Variants in GPRASP1 observed in about 807,000 individuals in gnomAD.
GPRASP1 encodes G protein-coupled receptor-associated sorting protein 1.
GPRASP1 carries 28 observed loss-of-function variants against 68.4 expected under a neutral mutation model. The observed-to-expected ratio is 0.41, with a 90% CI of 0.30 to 0.56. The LOEUF (loss-of-function observed/expected upper bound fraction) is 0.56, where lower values mean the gene tolerates loss of function less well. GPRASP1 is among the 20% of genes least tolerant of loss of function. GPRASP1 has a pLI of 0.29. For missense variants in GPRASP1, 913 were observed against 1,031.5 expected (o/e 0.89, Z 1.57); for synonymous variants, 304 against 358.2 (o/e 0.85, Z 1.71).
chrX:102,656,925 C>T lies in GPRASP1; in HGVS notation c.3012C>T (p.Ser1004=). 3.3e-6 allele frequency: 4 copies of T among 1,210,976 alleles called. No homozygotes were observed. Among genetic ancestry groups the T allele is most frequent in the Non-Finnish European group, 4.5e-6 (4 of 895,005 alleles). ...ATGAAGATGAGGCCATAGTGGGGTC[C>T]TGGTTCTGGGCAGGAGATGAGGCCC... ...LADEDEAIVG[S]WFWAGDEAHF... The change falls in exon 6 of 6, where the codon TCC becomes TCT. Residue 1004 remains serine (S), a synonymous_variant. Coordinates refer to ENST00000537097, the MANE Select transcript of GPRASP1 (RefSeq NM_001184727.2).
chrX:102,653,328 C>T (rs2081372834), intron 5 of GPRASP1, 30 bp downstream of exon 5: 1 of 111,584 alleles, frequency 9.0e-6, no homozygotes. Context: ...TACTTTTGGG[C>T]GGGGTAGTGG....
chrX:102,655,889 G>A lies in GPRASP1; in HGVS notation c.1976G>A (p.Gly659Asp), dbSNP rs150238105. The A allele has an allele frequency of 4.2e-4, 505 of 1,209,477 alleles. 3 individuals are homozygous for A. In the African/African-American group the frequency reaches 8.2e-3, roughly 20 times the overall value. ...GAGGTCAGTATGAAGCATGGGACTG[G>A]TGTCAGATGCAGATTTATGGCAGGG... ...KEEVSMKHGT[G>D]VRCRFMAGAE... Residue 659 changes from glycine to aspartate, a missense_variant, in exon 6 of 6, where the codon GGT (glycine) becomes GAT (aspartate). Transcript: ENST00000537097.
In GPRASP1 at chrX:102,655,927, A is replaced by G; in HGVS notation, c.2014A>G (p.Asn672Asp). The G allele has an allele frequency of 8.3e-7, 1 of 1,211,434 alleles. No homozygotes were observed. The highest frequency in any genetic ancestry group is 1.1e-6 in the Non-Finnish European group (1 of 895,166). The change falls in exon 6 of 6, where the codon AAT (asparagine) becomes GAT (aspartate). Residue 672 changes from asparagine to aspartate, a missense_variant. Asn to Asp is a conservative substitution (Grantham distance 23). Coordinates refer to ENST00000537097, the MANE Select transcript of GPRASP1 (RefSeq NM_001184727.2). ...CRFMAGAEET[N>D]NKSCFWAEKE... ...ATTTATGGCAGGGGCTGAGGAGACC[A>G]ATAATAAGTCTTGCTTCTGGGCAGA...
In GPRASP1 at chrX:102,655,341, T is replaced by C; in HGVS notation, c.1428T>C (p.Ser476=). ...DSLFGAREKT[S]MKTGAEATSE... is the part of the protein sequence containing the mutation. The stretch of plus-strand genomic sequence containing the variant: ...TATTTGGGGCTAGGGAAAAGACCAG[T>C]ATGAAAACTGGGGCTGAGGCCACCT... The change falls in exon 6 of 6, where the codon AGT becomes AGC. Residue 476 remains serine, a synonymous_variant. Transcript: ENST00000537097. The C allele has an allele frequency of 5.0e-6, 6 of 1,211,168 alleles. No homozygotes were observed. The highest frequency in any genetic ancestry group is 6.7e-6 in the Non-Finnish European group (6 of 894,898).
At position 102,658,092 on chromosome X, in the gene GPRASP1, A is replaced by G. The variant is rs1486826000; in HGVS notation, c.4179A>G (p.Gln1393=). ...TDNQNDPEGD[Q]EN is the part of the protein sequence containing the mutation. ...ATCAAAATGACCCTGAAGGGGACCAAGAAAATTAGTAATGGTTAATTGCTG... is the reference window on the plus strand; with the variant it reads ...ATCAAAATGACCCTGAAGGGGACCAGGAAAATTAGTAATGGTTAATTGCTG... Residue 1393 remains glutamine (Q), a synonymous_variant, in exon 6 of 6, where the codon CAA becomes CAG. Transcript: ENST00000537097. 4 of 1,030,919 alleles carry G rather than the reference A, an allele frequency of 3.9e-6. No individual in the cohort carries two copies. Among genetic ancestry groups the G allele is most frequent in the Non-Finnish European group, 5.4e-6 (4 of 746,084 alleles). 85.0% of individuals were successfully genotyped at this position (1,030,919 alleles called of 1,213,427 possible). A position where few individuals can be genotyped will look rare whatever the true frequency, so the allele number is the denominator to read the frequency against.
rs769278661 is a variant in GPRASP1 at position 102,654,843 on chromosome X, G to A, written c.930G>A (p.Gly310=). 8.3e-7 allele frequency: 1 copy of A among 1,209,774 alleles called. No homozygotes were observed. The highest frequency in any genetic ancestry group is 1.8e-5 in the South Asian group (1 of 56,805). Reference sequence around the variant, plus strand: ...AAGACCATTTGGAGTCCTGGTTTGGGGCTGGAAAGGAGGCCAAATTCAGGT... The same window carrying A: ...AAGACCATTTGGAGTCCTGGTTTGGAGCTGGAAAGGAGGCCAAATTCAGGT... ...EHEDHLESWF[G]AGKEAKFRSK... is the part of the protein sequence containing the mutation. The change falls in exon 6 of 6, where the codon GGG becomes GGA. Residue 310 remains glycine (G), a synonymous_variant. Coordinates refer to ENST00000537097, the MANE Select transcript of GPRASP1 (RefSeq NM_001184727.2).
chrX:102,655,391 A>T lies in GPRASP1; in HGVS notation c.1478A>T (p.Asp493Val). The T allele has an allele frequency of 8.3e-7, 1 of 1,211,878 alleles. No homozygotes were observed. The highest frequency in any genetic ancestry group is 1.1e-6 in the Non-Finnish European group (1 of 895,503). Residue 493 changes from aspartate (D) to valine (V), a missense_variant, in exon 6 of 6, where the codon GAT becomes GTT. Transcript: ENST00000537097. ...ATSESILAAD[D>V]EQVIIGSWFW... ...TCTGAATCTATACTAGCAGCTGATG[A>T]TGAACAGGTCATTATTGGTTCCTGG... is the stretch of plus-strand genomic sequence containing the variant.
In GPRASP1 at chrX:102,656,924, C is replaced by A. The variant is rs1257420454; in HGVS notation, c.3011C>A (p.Ser1004Tyr). ...GATGAAGATGAGGCCATAGTGGGGT[C>A]CTGGTTCTGGGCAGGAGATGAGGCC... ...LADEDEAIVG[S>Y]WFWAGDEAHF... Residue 1004 changes from serine to tyrosine, a missense_variant, in exon 6 of 6, where the codon TCC (serine) becomes TAC (tyrosine). Transcript: ENST00000537097. 8.3e-7 allele frequency: 1 copy of A among 1,209,018 alleles called. No homozygotes were observed. The highest frequency in any genetic ancestry group is 1.8e-5 in the African/African-American group (1 of 56,924).
Position 102,655,591 on chromosome X carries a change from G to A in GPRASP1, c.1678G>A (p.Val560Ile), listed in dbSNP as rs148684167. Residue 560 changes from valine (V) to isoleucine (I), a missense_variant, in exon 6 of 6, where the codon GTT becomes ATT. Physicochemically the swap from Val to Ile is conservative, Grantham distance 29 (BLOSUM62 3). Coordinates refer to ENST00000537097, the MANE Select transcript of GPRASP1 (RefSeq NM_001184727.2). ...IGPWFWSGEQ[V>I]DIEAGIGEEA... Reference sequence around the variant, plus strand: ...TCCCTGGTTTTGGTCTGGAGAACAAGTTGATATAGAGGCTGGAATCGGAGA... The same window carrying A: ...TCCCTGGTTTTGGTCTGGAGAACAAATTGATATAGAGGCTGGAATCGGAGA... The A allele has an allele frequency of 5.0e-6, 6 of 1,209,133 alleles. No individual in the cohort carries two copies. In the African/African-American group the frequency reaches 5.3e-5, roughly 11 times the overall value.
At chrX:102,652,947 G>C (rs1255011166) in intron 4 of GPRASP1, 49 bp downstream of exon 4, 2 of 111,834 alleles carry the variant, frequency 1.8e-5, no homozygotes, top group East Asian at 5.6e-4. Flanking sequence ...TGGAGAAAGA[G>C]AGCATGGCAG....
chrX:102,657,405 A>C lies in GPRASP1; in HGVS notation c.3492A>C (p.Glu1164Asp), dbSNP rs949482288. The stretch of plus-strand genomic sequence containing the variant: ...TTGAAGAACTCCTTTTATTAATGGA[A>C]AAAATTCGGGATCCTTTTATTCATG... ...EEFEELLLLM[E>D]KIRDPFIHEI... Residue 1164 changes from glutamate to aspartate, a missense_variant, in exon 6 of 6, where the codon GAA becomes GAC. By Grantham distance (45) the Glu-to-Asp change is conservative. Transcript: ENST00000537097. 3.3e-6 allele frequency: 4 copies of C among 1,209,861 alleles called. No homozygotes were observed. In the African/African-American group the frequency reaches 5.2e-5, roughly 16 times the overall value.
Position 102,657,005 on chromosome X carries a change from C to T in GPRASP1, c.3092C>T (p.Ser1031Leu). The change falls in exon 6 of 6, where the codon TCA becomes TTA. Residue 1031 changes from serine (S) to leucine (L), a missense_variant. Transcript: ENST00000537097. ...VFRAICRSTC[S>L]VEQEPDPSRR... ...AGGGCCATTTGCAGGTCCACGTGTT[C>T]AGTTGAACAGGAGCCTGATCCTTCA... 3 of 1,210,368 alleles carry T rather than the reference C, an allele frequency of 2.5e-6. No individual in the cohort carries two copies. The highest frequency in any genetic ancestry group is 3.4e-6 in the Non-Finnish European group (3 of 894,279).
intron 3 of GPRASP1, among the ~76,000 whole-genome samples, chrX:102,652,521 A>G (rs1483088895): frequency 8.8e-6 from 1 of 113,297 alleles, no homozygotes; most frequent in Non-Finnish European, 1.9e-5. Context: ...CCTGTTTTCT[A>G]GAATATGTGG....
At position 102,651,491 on chromosome X, in the gene GPRASP1, C is replaced by T. The variant is rs2081349125; in HGVS notation, c.-723C>T. ...CGTGGGGGGCGGGACTCGTCTTTGC[C>T]ATTCGGATCGCTGGGAAAGCGGTGG... On this transcript the variant is annotated 5_prime_UTR_variant, in exon 1 of 6. Transcript: ENST00000537097. The T allele has an allele frequency of 8.9e-6, 1 of 112,968 alleles. No individual in the cohort carries two copies. The highest frequency in any genetic ancestry group is 9.3e-5 in the Admixed American group (1 of 10,798). 9.3% of individuals were successfully genotyped at this position (112,968 alleles called of 1,213,427 possible).
chrX:102,652,636 GAGA>G (rs1404408368), intron 3 of GPRASP1, among the ~76,000 whole-genome samples, 192 bp from the exon 4 acceptor site: 2 of 113,263 alleles, frequency 1.8e-5, no homozygotes, highest in East Asian at 2.8e-4. Context: ...ATGACGTCAA[GAGA>G]AGGAGTTGTT....
In GPRASP1 at chrX:102,654,042, G is replaced by C. The variant is rs762195704; in HGVS notation, c.129G>C (p.Gln43His). The C allele has an allele frequency of 8.2e-7, 1 of 1,212,146 alleles. No individual in the cohort carries two copies. Among genetic ancestry groups the C allele is most frequent in the Non-Finnish European group, 1.1e-6 (1 of 895,508 alleles). The stretch of plus-strand genomic sequence containing the variant: ...TGGTCAGACCCAAGGTTAGGACCCA[G>C]GCCCAGATAATGCCTGGGGCAAGGC... ...PLVVRPKVRT[Q>H]AQIMPGARPK... The change falls in exon 6 of 6, where the codon CAG becomes CAC. Residue 43 changes from glutamine to histidine, a missense_variant. Physicochemically the swap from Gln to His is conservative, Grantham distance 24. Transcript: ENST00000537097.
Position 102,657,979 on chromosome X carries a change from T to C in GPRASP1, c.4066T>C (p.Ser1356Pro), listed in dbSNP as rs1484909868. The change falls in exon 6 of 6, where the codon TCT becomes CCT. Residue 1356 changes from serine (S) to proline (P), a missense_variant. By Grantham distance (74) the Ser-to-Pro change is moderately conservative. Transcript: ENST00000537097. ...CAATATCAAAAAAGAAACAGTGTTC[T>C]CTGATGATGATTTCAATATTGAGCC... ...GNNIKKETVF[S>P]DDDFNIEPLI... 1 of 1,185,080 alleles carries C rather than the reference T, an allele frequency of 8.4e-7. No homozygotes were observed. Among genetic ancestry groups the C allele is most frequent in the Non-Finnish European group, 1.1e-6 (1 of 871,457 alleles).
At position 102,653,995 on chromosome X, in the gene GPRASP1, A is replaced by G; in HGVS notation, c.82A>G (p.Ile28Val). ...PGEEVVGGAE[I>V]ENDVPLVVRP... is the part of the protein sequence containing the mutation. The stretch of plus-strand genomic sequence containing the variant: ...GGAAGAGGTTGTAGGTGGGGCTGAG[A>G]TAGAGAATGATGTCCCTCTGGTGGT... Residue 28 changes from isoleucine to valine, a missense_variant, in exon 6 of 6, where the codon ATA (isoleucine) becomes GTA (valine). Ile to Val is a conservative substitution (Grantham distance 29). Coordinates refer to ENST00000537097, the MANE Select transcript of GPRASP1 (RefSeq NM_001184727.2). The G allele has an allele frequency of 1.7e-6, 2 of 1,211,180 alleles. No homozygotes were observed. The highest frequency in any genetic ancestry group is 2.2e-6 in the Non-Finnish European group (2 of 894,798).
rs760282847 is a variant in GPRASP1 at position 102,654,753 on chromosome X, T to G, written c.840T>G (p.Asn280Lys). The change falls in exon 6 of 6, where the codon AAT becomes AAG. Residue 280 changes from asparagine (N) to lysine (K), a missense_variant. Transcript: ENST00000537097. ...GGTCTGGGCCCAGGGAAGATCCCAA[T>G]AGCAGGTCCAGGTTTAGGTCTAAGA... The part of the protein sequence containing the change: ...NTWSGPREDP[N>K]SRSRFRSKKE... The G allele has an allele frequency of 5.0e-6, 6 of 1,207,254 alleles. No homozygotes were observed. In the East Asian group the frequency reaches 1.8e-4, roughly 36 times the overall value.
Sources: allele counts gnomAD v4.1 joint callset (sites outside exome capture counted in the v4.1 genomes callset), GRCh38; gene constraint gnomAD v4.1.1; transcripts MANE v1.5; gene names NCBI Gene and HGNC (gene_info 2026-07-23, HGNC 2026-07-21).